Variants in CAST observed in about 807,000 individuals in gnomAD.
CAST encodes MIR583 host.
Under a neutral mutation model 119.6 loss-of-function variants are expected in CAST, and 76 were observed. That is an observed-to-expected ratio of 0.64 (90% CI 0.53 to 0.77). CAST has a LOEUF of 0.77. Among genes scored for constraint, CAST ranks in the 30% least tolerant of loss-of-function variants. The pLI is 0.00. For synonymous variants in CAST, 319 were observed against 331.6 expected (o/e 0.96, Z 0.41); for missense variants, 953 against 946.5 (o/e 1.01, Z -0.09).
At chr5:96,114,345 T>C in the CAST span, among the ~76,000 whole-genome samples, 1 of 152,170 alleles carries the variant, frequency 6.6e-6, no homozygotes, top group Non-Finnish European at 1.5e-5. Context: ...AATCAGAATC[T>C]GATTCTTAAA....
At chr5:96,204,716 AGT>A in the CAST span, among the ~76,000 whole-genome samples, 1 of 151,940 alleles carries the variant, frequency 6.6e-6, no homozygotes, top group Non-Finnish European at 1.5e-5. Flanking sequence ...TTCCTTCTCC[AGT>A]GAAAGTCCCC....
chr5:96,408,448 C>G, the CAST span: 1 of 714,960 alleles, frequency 1.4e-6, no homozygotes, highest in Non-Finnish European at 2.5e-6. Context: ...ATTCGATTGC[C>G]TACTTTCTCC....
chr5:96,467,659 A>G, the CAST span, among the ~76,000 whole-genome samples: 1 of 152,150 alleles, frequency 6.6e-6, no homozygotes, highest in East Asian at 1.9e-4. Context: ...AATACGTGAT[A>G]GTATCTTTTT....
chr5:96,484,277 A>G, the CAST span, among the ~76,000 whole-genome samples: 2 of 152,166 alleles, frequency 1.3e-5, no homozygotes, highest in Non-Finnish European at 2.9e-5. Flanking sequence ...AACACACTCC[A>G]GTTGTCACTC....
intron 3 of CAST, among the ~76,000 whole-genome samples, chr5:96,705,006 T>A (rs1223489805): frequency 6.6e-6 from 1 of 152,154 alleles, no homozygotes; most frequent in Admixed American, 6.5e-5. Context: ...CTACATCCAA[T>A]TTTTTAAAAT....
intron 1 of CAST, among the ~76,000 whole-genome samples, chr5:96,600,171 G>A (rs546985763): frequency 6.6e-6 from 1 of 152,320 alleles, no homozygotes; most frequent in Admixed American, 6.5e-5. Flanking sequence ...ATGGGGTAGA[G>A]TATATCGTTC....
At chr5:96,264,256 G>T in the CAST span, among the ~76,000 whole-genome samples, 8 of 152,180 alleles carry the variant, frequency 5.3e-5, no homozygotes, top group Non-Finnish European at 1.2e-4. Flanking sequence ...TTCTCATAAA[G>T]AGTATGGGTA....
chr5:96,231,262 A>T, the CAST span, among the ~76,000 whole-genome samples: 1 of 152,184 alleles, frequency 6.6e-6, no homozygotes, highest in South Asian at 2.1e-4. Flanking sequence ...AAATAGACAA[A>T]AATGTTTTAT....
the CAST span, among the ~76,000 whole-genome samples, chr5:96,035,319 G>T: frequency 1.3e-5 from 2 of 150,508 alleles, no homozygotes; most frequent in African/African-American, 4.9e-5. Context: ...TAAAAATATA[G>T]CAACAAGGAA....
At chr5:96,615,755 G>C (rs990778208) in intron 1 of CAST, among the ~76,000 whole-genome samples, 1 of 152,148 alleles carries the variant, frequency 6.6e-6, no homozygotes, top group Non-Finnish European at 1.5e-5. Flanking sequence ...ATGCCACTGA[G>C]ACTCAGTGAC....
chr5:96,087,309 G>T, the CAST span, among the ~76,000 whole-genome samples: 1 of 152,110 alleles, frequency 6.6e-6, no homozygotes, highest in South Asian at 2.1e-4. Context: ...GAGTGTGTGT[G>T]CATTTATTTT....
At chr5:96,129,374 G>C in the CAST span, among the ~76,000 whole-genome samples, 1 of 152,098 alleles carries the variant, frequency 6.6e-6, no homozygotes, top group Non-Finnish European at 1.5e-5. Context: ...TTTGTTTCAT[G>C]AACCTGGTGG....
At chr5:96,309,387 GC>G in the CAST span, among the ~76,000 whole-genome samples, 5 of 152,228 alleles carry the variant, frequency 3.3e-5, no homozygotes, top group Non-Finnish European at 7.3e-5. Context: ...AGCTTGCTGG[GC>G]CCCATAGGGG....
intron 20 of CAST, among the ~76,000 whole-genome samples, chr5:96,753,550 G>C (rs1765630615): frequency 6.6e-6 from 1 of 152,228 alleles, no homozygotes; most frequent in African/African-American, 2.4e-5. Context: ...CACAGGCAGA[G>C]TCATCAGAAC....
the CAST span, among the ~76,000 whole-genome samples, chr5:96,514,855 G>A: frequency 2.6e-5 from 4 of 152,116 alleles, no homozygotes; most frequent in South Asian, 2.1e-4. Flanking sequence ...GGGTTCAAGC[G>A]ATTCTCATGC....
chr5:96,559,402 A>G (rs575364244), intron 1 of CAST, among the ~76,000 whole-genome samples: 1 of 152,328 alleles, frequency 6.6e-6, no homozygotes, highest in East Asian at 1.9e-4. Flanking sequence ...CAGTTAGGAA[A>G]GGAGGAAGTC....
the CAST span, among the ~76,000 whole-genome samples, chr5:96,471,266 G>A: frequency 1.3e-5 from 2 of 152,000 alleles, no homozygotes; most frequent in Non-Finnish European, 1.5e-5. Context: ...TCACACTGAA[G>A]CCATACCTTA....
chr5:96,270,720 G>A, the CAST span, among the ~76,000 whole-genome samples: 85 of 152,196 alleles, frequency 5.6e-4, no homozygotes, highest in Non-Finnish European at 1.0e-3. Flanking sequence ...GGGTGAGGTT[G>A]GGGGAAGGAG....
At chr5:96,728,381 TTTATC>T (rs1305813943) in intron 6 of CAST, 2 of 152,188 alleles carry the variant, frequency 1.3e-5, no homozygotes, top group East Asian at 3.8e-4. Context: ...TTTAAATACT[TTTATC>T]TACTGAATCG....
Sources: gnomAD v4.1 joint callset for allele counts (sites outside exome capture counted in the v4.1 genomes callset) on GRCh38, gnomAD v4.1.1 for gene constraint, MANE v1.5 for transcripts, NCBI Gene and HGNC (gene_info 2026-07-23, HGNC 2026-07-21) for gene names.